The following IGFN1 variants were observed in gnomAD, a reference collection of about 807,000 sequenced individuals.
IGFN1 encodes immunoglobulin-like and fibronectin type III domain-containing protein 1.
IGFN1 carries 253 observed loss-of-function variants against 289.5 expected under a neutral mutation model. The observed-to-expected ratio is 0.87, with a 90% CI of 0.79 to 0.97. The LOEUF is 0.97. Ranked by LOEUF, IGFN1 falls within the 50% of genes least tolerant of loss-of-function variation. The pLI is 0.00. For missense variants in IGFN1, 4,470 were observed against 4,686.1 expected, an observed-to-expected ratio of 0.95 and a Z score of 1.35; for synonymous variants, 1,706 against 1,788.5, an observed-to-expected ratio of 0.95 and a Z score of 1.16.
In IGFN1 at chr1:201,204,834, A is replaced by T. The variant is rs188913362; in HGVS notation, c.917-248A>T. 2.6e-3 allele frequency among the ~76,000 whole-genome samples: 391 copies of T among 152,334 alleles called. 3 individuals are homozygous for T. Among genetic ancestry groups the T allele is most frequent in the African/African-American group, 8.5e-3 (355 of 41,582 alleles). ...TCATGCATCCACCTTGTCCCTAAAT[A>T]TAACTTTTGGGTTTGGAAGTATAGA... On this transcript the variant is annotated intron_variant, in intron 10 of 23. Coordinates refer to ENST00000335211, the MANE Select transcript of IGFN1 (RefSeq NM_001164586.2).
Position 201,212,160 on chromosome 1 carries a change from G to T in IGFN1, c.7267G>T (p.Glu2423Ter), listed in dbSNP as rs902372297. 30 of 1,536,054 alleles carry T rather than the reference G, an allele frequency of 2.0e-5. No homozygotes were observed. In the Admixed American group the frequency reaches 5.9e-4, roughly 30 times the overall value. ...RLVDGAGPGV[E>*]PGMAGMPGTA... ...TGTGGATGGGGCAGGACCTGGGGTG[G>T]AACCTGGGATGGCTGGAATGCCAGG... Residue 2423 changes from glutamate (E) to a stop codon, truncating the protein, a stop_gained, in exon 12 of 24, where the codon GAA (glutamate) becomes TAA (stop). Transcript: ENST00000335211. LOFTEE classifies it high-confidence loss of function.
chr1:201,212,688 C>G lies in IGFN1; in HGVS notation c.7795C>G (p.Leu2599Val). The G allele has an allele frequency of 2.6e-6, 4 of 1,547,646 alleles. No individual in the cohort carries two copies. Among genetic ancestry groups the G allele is most frequent in the Non-Finnish European group, 2.6e-6 (3 of 1,144,774 alleles). Residue 2599 changes from leucine to valine, a missense_variant, in exon 12 of 24, where the codon CTG (leucine) becomes GTG (valine). This residue lies in a region of IGFN1 where 2,218 missense variants were observed against 2,114.1 expected (regional missense o/e 1.05). Coordinates refer to ENST00000335211, the MANE Select transcript of IGFN1 (RefSeq NM_001164586.2). ...SGSSVGTGQD[L>V]DSGSMPGGRG... ...GAGTTCAGTGGGGACAGGTCAGGATCTGGACAGCGGCTCTATGCCTGGGGG... is the reference window on the plus strand; with the variant it reads ...GAGTTCAGTGGGGACAGGTCAGGATGTGGACAGCGGCTCTATGCCTGGGGG...
chr1:201,221,503 C>A lies in IGFN1; in HGVS notation c.9958C>A (p.Leu3320Met), dbSNP rs1217892784. 1 of 1,613,544 alleles carries A rather than the reference C, an allele frequency of 6.2e-7. No homozygotes were observed. The highest frequency in any genetic ancestry group is 8.5e-7 in the Non-Finnish European group (1 of 1,179,724). ...VTDRSNTSIT[L>M]SWAGPDTQEG... ...AGACAGATCGAACACCAGCATCACT[C>A]TGAGCTGGGCTGGGCCAGACACCCA... The change falls in exon 19 of 24, where the codon CTG becomes ATG. Residue 3320 changes from leucine to methionine, a missense_variant. This residue lies in a region of IGFN1 where 2,218 missense variants were observed against 2,114.1 expected (regional missense o/e 1.05). Coordinates refer to ENST00000335211, the MANE Select transcript of IGFN1 (RefSeq NM_001164586.2).
intron 14 of IGFN1, 84 bp from the exon 15 acceptor site, chr1:201,215,455 A>G (rs1653162855): frequency 7.8e-7 from 1 of 1,288,272 alleles, no homozygotes. Flanking sequence ...TCTTCCCCCA[A>G]ACTTCCTTCT....
chr1:201,202,459 C>T (rs1410838419), intron 9 of IGFN1, among the ~76,000 whole-genome samples: 2 of 152,096 alleles, frequency 1.3e-5, no homozygotes, highest in African/African-American at 4.8e-5. Flanking sequence ...CTTCTCTTCC[C>T]CTTGTCCCTC....
intron 23 of IGFN1, among the ~76,000 whole-genome samples, chr1:201,227,431 G>GT (rs11298107): frequency 1.4e-3 from 195 of 143,054 alleles, no homozygotes; most frequent in Middle Eastern, 3.6e-3. Flanking sequence ...TTTATTTTTA[G>GT]TTTTTTTTTT....
Position 201,205,131 on chromosome 1 carries a change from G to A in IGFN1, c.966G>A (p.Glu322=). 1 of 1,550,846 alleles carries A rather than the reference G, an allele frequency of 6.4e-7. No individual in the cohort carries two copies. Among genetic ancestry groups the A allele is most frequent in the Non-Finnish European group, 8.7e-7 (1 of 1,146,950 alleles). Residue 322 remains glutamate (E), a synonymous_variant, in exon 11 of 24, where the codon GAG becomes GAA. Coordinates refer to ENST00000335211, the MANE Select transcript of IGFN1 (RefSeq NM_001164586.2). The part of the protein sequence containing the change: ...VVPLAETHCE[E]QGDAVFECTL... Reference sequence around the variant, plus strand: ...CACTGGCGGAGACCCACTGTGAGGAGCAGGGTGACGCAGTCTTTGAATGTA... The same window carrying A: ...CACTGGCGGAGACCCACTGTGAGGAACAGGGTGACGCAGTCTTTGAATGTA...
At position 201,199,614 on chromosome 1, in the gene IGFN1, A is replaced by C; in HGVS notation, c.418A>C (p.Arg140=). ...KRHREPQEDL[R]KELMDFRKLL... is the part of the protein sequence containing the mutation. ...CATTCCTGCTCCTTTTTCAGACCTCAGGAAGGAGCTGATGGACTTCCGGAA... is the reference window on the plus strand; with the variant it reads ...CATTCCTGCTCCTTTTTCAGACCTCCGGAAGGAGCTGATGGACTTCCGGAA... The change falls in exon 7 of 24, where the codon AGG becomes CGG. Residue 140 remains arginine (R), a synonymous_variant. Transcript: ENST00000335211. The C allele has an allele frequency of 6.4e-7, 1 of 1,551,200 alleles. No homozygotes were observed. The highest frequency in any genetic ancestry group is 8.7e-7 in the Non-Finnish European group (1 of 1,146,666).
rs1490443908 is a variant in IGFN1 at position 201,193,315 on chromosome 1, A to G, written c.7+15A>G. ...AACTATGGCAGGTAAGAGAAGAACT[A>G]ATCTCCCCTCCCCAGCCCTCCCTGG... On this transcript the variant is annotated intron_variant, in intron 2 of 23. Transcript: ENST00000335211. 7 of 1,538,730 alleles carry G rather than the reference A, an allele frequency of 4.5e-6. No homozygotes were observed. The highest frequency in any genetic ancestry group is 6.2e-6 in the Non-Finnish European group (7 of 1,135,034).
intron 19 of IGFN1, 140 bp downstream of exon 19, chr1:201,221,886 G>A: frequency 1.5e-6 from 1 of 668,498 alleles, no homozygotes; most frequent in East Asian, 2.8e-5. Context: ...GCACCTACTA[G>A]GTGCTAGGTA....
Position 201,215,741 on chromosome 1 carries a change from C to T in IGFN1, c.9198C>T (p.Cys3066=), listed in dbSNP as rs373654638. The change falls in exon 15 of 24, where the codon TGC becomes TGT. Residue 3066 remains cysteine, a synonymous_variant. Transcript: ENST00000335211. ...TGGGGGATGGCTACACGCGGCTGTG[C>T]CTCCCCAGCGCAGGCAGGAAGGACT... ...VDLGDGYTRL[C]LPSAGRKDCG... The T allele has an allele frequency of 9.9e-5, 159 of 1,610,434 alleles. No homozygotes were observed. Among genetic ancestry groups the T allele is most frequent in the Non-Finnish European group, 1.3e-4 (150 of 1,178,210 alleles).
In IGFN1 at chr1:201,211,323, A is replaced by G. The variant is rs1341517371; in HGVS notation, c.6430A>G (p.Lys2144Glu). The G allele has an allele frequency of 1.3e-6, 2 of 1,500,456 alleles. No individual in the cohort carries two copies. The highest frequency in any genetic ancestry group is 8.9e-7 in the Non-Finnish European group (1 of 1,124,542). The allele number at this position is 1,500,456 out of a possible 1,614,324, so 92.9% of individuals were successfully genotyped here. Residue 2144 changes from lysine to glutamate, a missense_variant, in exon 12 of 24, where the codon AAG (lysine) becomes GAG (glutamate). By Grantham distance (56) the Lys-to-Glu change is moderately conservative. Transcript: ENST00000335211. Reference protein sequence around the residue: ...MGSVNEAGYRKDLGAPKGMGS... With the variant: ...MGSVNEAGYREDLGAPKGMGS... Reference sequence around the variant, plus strand: ...GTCAGTGAATGAGGCAGGTTATAGGAAGGATTTGGGGGCTCCTAAGGGAAT... The same window carrying G: ...GTCAGTGAATGAGGCAGGTTATAGGGAGGATTTGGGGGCTCCTAAGGGAAT...
intron 8 of IGFN1, 54 bp from the exon 9 acceptor site, chr1:201,201,665 C>A (rs1667166781): frequency 2.1e-6 from 2 of 951,612 alleles, no homozygotes; most frequent in South Asian, 1.4e-5. Context: ...GTTCAGAGTA[C>A]CCCGAAGAGA....
Position 201,222,770 on chromosome 1 carries a change from C to A in IGFN1, c.10233C>A (p.Thr3411=). The A allele has an allele frequency of 6.2e-7, 1 of 1,613,388 alleles. No homozygotes were observed. Among genetic ancestry groups the A allele is most frequent in the Non-Finnish European group, 8.5e-7 (1 of 1,179,538 alleles). Residue 3411 remains threonine, a synonymous_variant, in exon 20 of 24, where the codon ACC becomes ACA. Transcript: ENST00000335211. ...CCAAGTTCCTCGTGGACTCCAGCAC[C>A]AAGGACTTGCTGACAGTCAAGGTCG... ...VCPKFLVDSS[T]KDLLTVKVGD... is the part of the protein sequence containing the mutation.
At position 201,213,205 on chromosome 1, in the gene IGFN1, G is replaced by A. The variant is rs984513740; in HGVS notation, c.8312G>A (p.Gly2771Glu). The A allele has an allele frequency of 1.9e-6, 3 of 1,551,726 alleles. No individual in the cohort carries two copies. Among genetic ancestry groups the A allele is most frequent in the Middle Eastern group, 1.7e-4 (1 of 5,990 alleles). The change falls in exon 12 of 24, where the codon GGA becomes GAA. Residue 2771 changes from glycine to glutamate, a missense_variant. Around this residue, in one of 8 missense-constraint regions of IGFN1, gnomAD observed 2,218 missense variants for 2,114.1 expected, o/e 1.05. Transcript: ENST00000335211. Reference sequence around the variant, plus strand: ...CAGCGAGGCAAGGGACAGAGAGGAGGAAAGAGGTCCCTCGGGGAGCAGGGG... The same window carrying A: ...CAGCGAGGCAAGGGACAGAGAGGAGAAAAGAGGTCCCTCGGGGAGCAGGGG... ...SSQRGKGQRG[G>E]KRSLGEQGSL...
intron 23 of IGFN1, 45 bp from the exon 24 acceptor site, chr1:201,228,338 TGGG>T: frequency 6.3e-7 from 1 of 1,594,312 alleles, no homozygotes; most frequent in Non-Finnish European, 8.6e-7. Context: ...AGATGCAGGG[TGGG>T]GTGGCTGCCC....
intron 21 of IGFN1, 130 bp downstream of exon 21, chr1:201,225,004 A>C: frequency 1.6e-6 from 1 of 615,986 alleles, no homozygotes; most frequent in South Asian, 2.5e-5. Context: ...ACCATTCTCC[A>C]CCTTTCCTCC....
Position 201,207,261 on chromosome 1 carries a change from G to C in IGFN1, c.2368G>C (p.Glu790Gln). Residue 790 changes from glutamate to glutamine, a missense_variant, in exon 12 of 24, where the codon GAG becomes CAG. Physicochemically the swap from Glu to Gln is conservative, Grantham distance 29. Transcript: ENST00000335211. ...DPRGCEGVLQ[E>Q]LRGRDGQETA... ...CAGAGGCTGCGAAGGTGTCCTACAG[G>C]AGCTCAGGGGAAGGGATGGCCAGGA... 1 of 1,536,778 alleles carries C rather than the reference G, an allele frequency of 6.5e-7. No homozygotes were observed. Among genetic ancestry groups the C allele is most frequent in the Non-Finnish European group, 8.7e-7 (1 of 1,146,892 alleles).
intron 18 of IGFN1, among the ~76,000 whole-genome samples, chr1:201,220,908 C>G (rs1216501972): frequency 1.3e-5 from 2 of 152,190 alleles, no homozygotes; most frequent in African/African-American, 4.8e-5. Flanking sequence ...TGCAGCCAGA[C>G]TTGAGGGCCA....
Sources: gnomAD v4.1 joint callset for allele counts (sites outside exome capture counted in the v4.1 genomes callset) on GRCh38, gnomAD v4.1.1 for gene constraint, gnomAD v4.1.1 regional missense constraint, MANE v1.5 for transcripts, NCBI Gene and HGNC (gene_info 2026-07-23, HGNC 2026-07-21) for gene names.